RBFOX1: variants seen among roughly 807,000 people sequenced by gnomAD.
RBFOX1 encodes the protein RNA binding fox-1 homolog 1, also known as RNA binding protein fox-1 homolog 1.
In RBFOX1, 8 loss-of-function variants were observed where a neutral mutation model predicts 57.7. That is an observed-to-expected ratio of 0.14 (90% CI 0.08 to 0.25). The LOEUF is 0.25. Ranked by LOEUF, RBFOX1 falls within the 10% of genes least tolerant of loss-of-function variation. RBFOX1 has a pLI of 1.00. For missense variants in RBFOX1, 611 were observed against 548.5 expected, an observed-to-expected ratio of 1.11 and a Z score of -1.14; for synonymous variants, 326 against 222.4, an observed-to-expected ratio of 1.47 and a Z score of -4.15.
intron 4 of RBFOX1, among the ~76,000 whole-genome samples, chr16:5,898,918 C>T (rs1271619543): frequency 6.7e-6 from 1 of 149,516 alleles, no homozygotes; most frequent in African/African-American, 2.5e-5. Flanking sequence ...AAAAAAGTAG[C>T]CGGGTGTGGT....
chr16:5,660,343 C>T (rs892999975), intron 3 of RBFOX1, among the ~76,000 whole-genome samples: 3 of 152,130 alleles, frequency 2.0e-5, no homozygotes, highest in East Asian at 3.9e-4. Context: ...CTCTCCCTCG[C>T]GTTTTCGGCT....
intron 3 of RBFOX1, among the ~76,000 whole-genome samples, chr16:6,687,240 C>A (rs60844465): frequency 0.031 from 4,761 of 152,120 alleles, 256 homozygotes; most frequent in African/African-American, 0.11. Flanking sequence ...AGCTATGACT[C>A]TGCAGAGGCA....
chr16:7,007,178 C>A (rs1428398222), intron 3 of RBFOX1, among the ~76,000 whole-genome samples: 1 of 152,176 alleles, frequency 6.6e-6, no homozygotes, highest in Non-Finnish European at 1.5e-5. Flanking sequence ...TATTTCCTTG[C>A]AGCTGTAAAG....
At chr16:7,189,760 A>G (rs1027432714) in intron 4 of RBFOX1, among the ~76,000 whole-genome samples, 19 of 152,198 alleles carry the variant, frequency 1.2e-4, no homozygotes, top group Admixed American at 3.3e-4. Flanking sequence ...CCTGCAGGCA[A>G]TCCCTTCTAT....
intron 3 of RBFOX1, among the ~76,000 whole-genome samples, chr16:7,007,042 T>C (rs1320115712): frequency 6.6e-6 from 1 of 152,322 alleles, no homozygotes; most frequent in East Asian, 1.9e-4. Context: ...AGAAATCTAG[T>C]TGGCTCATCT....
intron 4 of RBFOX1, among the ~76,000 whole-genome samples, chr16:7,390,584 A>T (rs770049737): frequency 6.6e-6 from 1 of 152,260 alleles, no homozygotes; most frequent in Non-Finnish European, 1.5e-5. Flanking sequence ...TTATGCAAGT[A>T]TAAGGTGCTA....
At chr16:5,795,913 C>G (rs1020354855) in intron 3 of RBFOX1, among the ~76,000 whole-genome samples, 2 of 152,186 alleles carry the variant, frequency 1.3e-5, no homozygotes, top group Admixed American at 6.5e-5. Flanking sequence ...GTTTGCTCTA[C>G]TGGAGATAGG....
rs545386516 is a variant in RBFOX1, at chr16:7,061,461, A to C, written c.27+9363A>C. On this transcript the variant is annotated intron_variant, in intron 4 of 15. Transcript: ENST00000550418. The stretch of plus-strand genomic sequence containing the variant: ...GAAATATGATTAAATAAAGAAGTGT[A>C]CAGGTGTCCACTTTTCTTCATTTTT... Among the ~76,000 whole-genome samples the C allele has an allele frequency of 1.3e-3, 204 of 152,320 alleles. 1 individual carries two copies. The highest frequency in any genetic ancestry group is 4.6e-3 in the African/African-American group (191 of 41,574).
chr16:7,685,576 G>C (rs1342507083), intron 14 of RBFOX1, among the ~76,000 whole-genome samples: 2 of 152,096 alleles, frequency 1.3e-5, no homozygotes, highest in African/African-American at 4.8e-5. Flanking sequence ...TGAAGAAGGT[G>C]AACATTATAA....
intron 4 of RBFOX1, among the ~76,000 whole-genome samples, chr16:7,252,540 A>T (rs960453533): frequency 6.6e-6 from 1 of 152,210 alleles, no homozygotes; most frequent in African/African-American, 2.4e-5. Flanking sequence ...AAGTTGGAAG[A>T]TCTGACAAAG....
At chr16:6,772,201 C>G (rs1000072985) in intron 3 of RBFOX1, among the ~76,000 whole-genome samples, 4 of 151,994 alleles carry the variant, frequency 2.6e-5, no homozygotes, top group African/African-American at 9.7e-5. Flanking sequence ...CTGTGAGCCT[C>G]CCAAGTAGAA....
chr16:6,344,363 A>G (rs2085001806), intron 2 of RBFOX1, among the ~76,000 whole-genome samples: 1 of 147,902 alleles, frequency 6.8e-6, no homozygotes, highest in Non-Finnish European at 1.5e-5. Context: ...GTATTATACA[A>G]TTACACAATC....
intron 1 of RBFOX1, among the ~76,000 whole-genome samples, chr16:6,268,133 G>A (rs574180287): frequency 6.6e-6 from 1 of 152,284 alleles, no homozygotes; most frequent in Admixed American, 6.5e-5. Flanking sequence ...ATGAGTTGAG[G>A]GCAGAGCATG....
intron 3 of RBFOX1, among the ~76,000 whole-genome samples, chr16:6,711,736 T>C (rs1022997799): frequency 1.3e-5 from 2 of 152,164 alleles, no homozygotes; most frequent in African/African-American, 4.8e-5. Context: ...ACCGATACAC[T>C]CCTCACTGAG....
At chr16:5,618,579 T>C (rs1445432648) in intron 3 of RBFOX1, among the ~76,000 whole-genome samples, 3 of 152,180 alleles carry the variant, frequency 2.0e-5, no homozygotes, top group South Asian at 4.1e-4. Flanking sequence ...CCCTGTGATC[T>C]GCCTGCCTCG....
intron 2 of RBFOX1, among the ~76,000 whole-genome samples, chr16:6,356,559 C>T (rs1366764294): frequency 6.6e-6 from 1 of 152,154 alleles, no homozygotes; most frequent in Non-Finnish European, 1.5e-5. Context: ...AATTGGGGGA[C>T]ATTCTGTAAA....
chr16:7,552,038 C>T (rs1229998005), intron 5 of RBFOX1, among the ~76,000 whole-genome samples: 1 of 152,160 alleles, frequency 6.6e-6, no homozygotes, highest in Non-Finnish European at 1.5e-5. Context: ...GGTATTTTTA[C>T]CCCTCCCCAC....
chr16:6,695,778 A>G (rs994816731), intron 3 of RBFOX1, among the ~76,000 whole-genome samples: 3 of 152,206 alleles, frequency 2.0e-5, no homozygotes, highest in South Asian at 4.1e-4. Context: ...GCAAAAGTAA[A>G]TAACAGTTCT....
At chr16:6,631,525 T>C (rs900565553) in intron 2 of RBFOX1, among the ~76,000 whole-genome samples, 1 of 151,700 alleles carries the variant, frequency 6.6e-6, no homozygotes, top group Non-Finnish European at 1.5e-5. Flanking sequence ...AAATATTAAG[T>C]GGAGGTTTTG....
Sources: allele counts gnomAD v4.1 joint callset (sites outside exome capture counted in the v4.1 genomes callset), GRCh38; gene constraint gnomAD v4.1.1; transcripts MANE v1.5; gene names NCBI Gene and HGNC (gene_info 2026-07-23, HGNC 2026-07-21).